CELF1: variants seen among roughly 807,000 people sequenced by gnomAD.
CELF1 encodes the protein 50 kDa nuclear polyadenylated RNA-binding protein.
In CELF1, 10 loss-of-function variants were observed where a neutral mutation model predicts 61.8. The observed-to-expected ratio is 0.16, with a 90% CI of 0.10 to 0.27. CELF1 has a LOEUF of 0.27. Among genes scored for constraint, CELF1 ranks in the 10% least tolerant of loss-of-function variants. The probability of loss-of-function intolerance (pLI) is 1.00; values close to 1 mark genes in which losing one functional copy is unlikely to be tolerated. For synonymous variants in CELF1, 236 were observed against 225.1 expected, an observed-to-expected ratio of 1.05 and a Z score of -0.43; for missense variants, 380 against 639.1, an observed-to-expected ratio of 0.59 and a Z score of 4.37.
chr11:47,483,156 T>C (rs567252519), intron 8 of CELF1, among the ~76,000 whole-genome samples: 5 of 151,990 alleles, frequency 3.3e-5, no homozygotes, highest in African/African-American at 1.2e-4. Context: ...CCCAGCTACT[T>C]GAGTGGCAGA....
intron 1 of CELF1, among the ~76,000 whole-genome samples, chr11:47,506,532 T>A (rs777943046): frequency 4.6e-5 from 7 of 152,202 alleles, no homozygotes; most frequent in African/African-American, 1.7e-4. Flanking sequence ...AGGCTGCGGG[T>A]TGGACAAGTC....
chr11:47,509,129 T>C (rs1375547122), intron 1 of CELF1, among the ~76,000 whole-genome samples: 1 of 152,168 alleles, frequency 6.6e-6, no homozygotes, highest in Non-Finnish European at 1.5e-5. Flanking sequence ...CCTATGTTAT[T>C]TTATTGCCTA....
At chr11:47,497,543 G>A (rs910391490) in intron 3 of CELF1, among the ~76,000 whole-genome samples, 6 of 152,172 alleles carry the variant, frequency 3.9e-5, no homozygotes, top group Non-Finnish European at 5.9e-5. Flanking sequence ...GTTTAAAATC[G>A]GGGCAATGGC....
At chr11:47,497,418 G>C (rs970957085) in intron 3 of CELF1, among the ~76,000 whole-genome samples, 12 of 152,236 alleles carry the variant, frequency 7.9e-5, no homozygotes, top group African/African-American at 2.9e-4. Context: ...ACTGACACTA[G>C]AGGCAGCCTG....
At chr11:47,509,968 A>C (rs578058393) in intron 1 of CELF1, among the ~76,000 whole-genome samples, 1 of 151,508 alleles carries the variant, frequency 6.6e-6, no homozygotes, top group East Asian at 1.9e-4. Flanking sequence ...AGGCTAAGGC[A>C]TAAGAATCAC....
intron 1 of CELF1, among the ~76,000 whole-genome samples, chr11:47,526,897 A>G (rs1480312751): frequency 6.6e-6 from 1 of 152,096 alleles, no homozygotes; most frequent in East Asian, 1.9e-4. Flanking sequence ...TTAAAAATAC[A>G]AAAATTAGCT....
chr11:47,545,638 T>C (rs2096913966), intron 1 of CELF1, among the ~76,000 whole-genome samples: 2 of 152,134 alleles, frequency 1.3e-5, no homozygotes, highest in Non-Finnish European at 2.9e-5. Flanking sequence ...AGAGACCTTA[T>C]TTCTATTTCT....
At chr11:47,518,615 CCCTT>C (rs937591431) in intron 1 of CELF1, among the ~76,000 whole-genome samples, 2 of 152,204 alleles carry the variant, frequency 1.3e-5, no homozygotes, top group African/African-American at 4.8e-5. Flanking sequence ...GTCTCTCTCT[CCCTT>C]ATCTCAGGGG....
rs1384054873 is a variant in CELF1 at position 47,541,760 on chromosome 11, A to C, written c.-154+11232T>G. 7.6e-3 allele frequency among the ~76,000 whole-genome samples: 73 copies of C among 9,564 alleles called. 17 individuals carry two copies. Among genetic ancestry groups the C allele is most frequent in the African/African-American group, 0.019 (70 of 3,766 alleles). 6.3% of individuals were successfully genotyped at this position (9,564 alleles called of 152,430 possible). A position where few individuals can be genotyped will look rare whatever the true frequency, so the allele number is the denominator to read the frequency against. ...AAAGAACGAAAGAAAGAAAGAACGA[A>C]AGAAAGAACGAAAGAAAGAACGAAA... is the stretch of plus-strand genomic sequence containing the variant. On this transcript the variant is annotated intron_variant, in intron 1 of 14. Coordinates refer to ENST00000687097, the MANE Select transcript of CELF1 (RefSeq NM_001376376.1).
chr11:47,552,726 G>A (rs76673547), intron 1 of CELF1, among the ~76,000 whole-genome samples: 4,910 of 152,288 alleles, frequency 0.032, 104 homozygotes, highest in Non-Finnish European at 0.048. Context: ...GCGGGGAGAG[G>A]AAGCAAAGCC....
intron 9 of CELF1, among the ~76,000 whole-genome samples, chr11:47,481,081 GTTTTTTTTTTTTTTC>G (rs2082777149): frequency 1.1e-5 from 1 of 92,854 alleles, no homozygotes; most frequent in Non-Finnish European, 2.3e-5. Context: ...ATAAACTGGG[GTTTTTTTTTTTTTTC>G]TTCTTCTTTT....
At position 47,470,340 on chromosome 11, in the gene CELF1, T is replaced by TA. The variant is rs1322796770; in HGVS notation, c.*1889dup. The TA allele has an allele frequency of 6.6e-6, 1 of 152,014 alleles. No individual in the cohort carries two copies. Among genetic ancestry groups the TA allele is most frequent in the African/African-American group, 2.4e-5 (1 of 41,380 alleles). 9.4% of individuals were successfully genotyped at this position (152,014 alleles called of 1,614,324 possible). Reference sequence around the variant, plus strand: ...TTTATTTTTATTTTTTGCATTTATTTAAAAAATCCCATCATGACCCTGGAA... The same window carrying TA: ...TTTATTTTTATTTTTTGCATTTATTTAAAAAAATCCCATCATGACCCTGGAA... On this transcript the variant is annotated 3_prime_UTR_variant, in exon 15 of 15. Transcript: ENST00000687097.
chr11:47,545,609 TAA>T (rs2096913264), intron 1 of CELF1, among the ~76,000 whole-genome samples: 1 of 152,160 alleles, frequency 6.6e-6, no homozygotes, highest in South Asian at 2.1e-4. Flanking sequence ...TCTTACAGCA[TAA>T]AGTTTGCCTA....
In CELF1 at chr11:47,482,416, A is replaced by G. The variant is rs146478139; in HGVS notation, c.768+279T>C. On this transcript the variant is annotated intron_variant, in intron 9 of 14. Transcript: ENST00000687097. ...GAATTTCTTTCTTGGAGGCAAGGAC[A>G]CAAGATGTTTCTAAATCTTTAAAAC... 2.8e-3 allele frequency: 699 copies of G among 251,504 alleles called. 2 individuals carry two copies. Among genetic ancestry groups the G allele is most frequent in the Middle Eastern group, 8.6e-3 (7 of 812 alleles). 15.6% of individuals were successfully genotyped at this position (251,504 alleles called of 1,614,324 possible).
rs181702102 is a variant in CELF1, at chr11:47,510,388, C to T, written c.-153-9456G>A. Among the ~76,000 whole-genome samples the T allele has an allele frequency of 2.0e-5, 3 of 152,296 alleles. No homozygotes were observed. In the East Asian group the frequency reaches 5.8e-4, roughly 29 times the overall value. On this transcript the variant is annotated intron_variant, in intron 1 of 14. Transcript: ENST00000687097. Reference sequence around the variant, plus strand: ...GTCACCATCAGCAGCTCTTACATAGCACGTGCTAGATCACAAAGTCCAGAG... The same window carrying T: ...GTCACCATCAGCAGCTCTTACATAGTACGTGCTAGATCACAAAGTCCAGAG...
Position 47,519,285 on chromosome 11 carries a change from C to G in CELF1, c.-153-18353G>C, listed in dbSNP as rs561671767. ...ACTTGAGGTCAGAGTTCGAGACCAG[C>G]CTGGCCAACGGGGTGAAACCCCATC... On this transcript the variant is annotated intron_variant, in intron 1 of 14. Transcript: ENST00000687097. 1.6e-4 allele frequency among the ~76,000 whole-genome samples: 25 copies of G among 152,164 alleles called. No individual in the cohort carries two copies. In the East Asian group the frequency reaches 3.5e-3, roughly 21 times the overall value.
rs935009474 is a variant in CELF1 at position 47,471,030 on chromosome 11, G to A, written c.*1200C>T. The A allele has an allele frequency of 1.3e-5, 2 of 152,220 alleles. No homozygotes were observed. The highest frequency in any genetic ancestry group is 2.9e-5 in the Non-Finnish European group (2 of 68,062). 9.4% of individuals were successfully genotyped at this position (152,220 alleles called of 1,614,324 possible). ...TGCCTCAAGAGCAGAAAATGTGACT[G>A]GAGTGGTTACAGGAGGGGCCTGCCA... On this transcript the variant is annotated 3_prime_UTR_variant, in exon 15 of 15. Coordinates refer to ENST00000687097, the MANE Select transcript of CELF1 (RefSeq NM_001376376.1).
intron 1 of CELF1, among the ~76,000 whole-genome samples, chr11:47,539,418 G>A (rs1462780944): frequency 1.3e-5 from 2 of 152,128 alleles, no homozygotes; most frequent in Non-Finnish European, 2.9e-5. Context: ...TTGGGAGGCC[G>A]ATGCGGACAG....
chr11:47,553,066 C>T lies in CELF1; in HGVS notation c.-228G>A, dbSNP rs1182818607. The T allele has an allele frequency of 5.0e-6, 2 of 401,366 alleles. No homozygotes were observed. Among genetic ancestry groups the T allele is most frequent in the African/African-American group, 2.1e-5 (1 of 48,558 alleles). The allele number at this position is 401,366 out of a possible 1,614,324, so 24.9% of individuals were successfully genotyped here. A position where few individuals can be genotyped will look rare whatever the true frequency, so the allele number is the denominator to read the frequency against. On this transcript the variant is annotated 5_prime_UTR_variant, in exon 1 of 15. Transcript: ENST00000687097. ...CGCAGCCGCCGCCGCCGCCTCGCTGCTGAGGCCGAATCCCGGGGGAGCCTC... is the reference window on the plus strand; with the variant it reads ...CGCAGCCGCCGCCGCCGCCTCGCTGTTGAGGCCGAATCCCGGGGGAGCCTC...
Sources: gnomAD v4.1 joint callset for allele counts (sites outside exome capture counted in the v4.1 genomes callset) on GRCh38, gnomAD v4.1.1 for gene constraint, MANE v1.5 for transcripts, NCBI Gene and HGNC (gene_info 2026-07-23, HGNC 2026-07-21) for gene names.